TRPC4AP: variants seen among roughly 807,000 people sequenced by gnomAD.
TRPC4AP encodes short transient receptor potential channel 4-associated protein.
TRPC4AP carries 45 observed loss-of-function variants against 99.0 expected under a neutral mutation model. The observed-to-expected ratio is 0.45, with a 90% CI of 0.36 to 0.58. TRPC4AP has a LOEUF of 0.58. Among genes scored for constraint, TRPC4AP ranks in the 20% least tolerant of loss-of-function variants. The pLI is 0.00. For missense variants in TRPC4AP, 879 were observed against 985.3 expected (o/e 0.89, Z 1.44); for synonymous variants, 408 against 385.8 (o/e 1.06, Z -0.67).
rs2082424481 is a variant in TRPC4AP, at chr20:35,002,937, CATT to C, written c.*206_*208del. ...AAAGGTGGGCATGGTACCCTGTCCT[CATT>C]ATGGGGACTGAGGCTCTCCATGACC... On this transcript the variant is annotated 3_prime_UTR_variant, in exon 19 of 19. Transcript: ENST00000252015. 1.6e-6 allele frequency: 1 copy of C among 616,032 alleles called. No homozygotes were observed. Among genetic ancestry groups the C allele is most frequent in the African/African-American group, 1.9e-5 (1 of 53,952 alleles). The allele number at this position is 616,032 out of a possible 1,614,324, so 38.2% of individuals were successfully genotyped here. A position where few individuals can be genotyped will look rare whatever the true frequency, so the allele number is the denominator to read the frequency against.
intron 9 of TRPC4AP, among the ~76,000 whole-genome samples, chr20:35,020,443 G>C (rs937027661): frequency 3.3e-5 from 5 of 152,002 alleles, no homozygotes. Flanking sequence ...CTCCTCCCCA[G>C]GGCACTGCCC....
At chr20:35,018,012 T>C (rs992039767) in intron 9 of TRPC4AP, among the ~76,000 whole-genome samples, 6 of 152,154 alleles carry the variant, frequency 3.9e-5, no homozygotes, top group Non-Finnish European at 8.8e-5. Context: ...CTGACATCTA[T>C]GGTGTTCACC....
chr20:35,057,702 TA>T (rs778109006), intron 3 of TRPC4AP, 131 bp from the exon 4 acceptor site: 401 of 650,374 alleles, frequency 6.2e-4, no homozygotes, highest in Non-Finnish European at 9.1e-4. Flanking sequence ...AGGAGGCAGT[TA>T]AGGTTCAGTA....
chr20:35,021,136 A>C, intron 9 of TRPC4AP, 54 bp downstream of exon 9: 1 of 1,578,158 alleles, frequency 6.3e-7, no homozygotes, highest in Non-Finnish European at 8.6e-7. Flanking sequence ...GCATACCATG[A>C]GCACCCGGGC....
Position 35,003,295 on chromosome 20 carries a change from G to C in TRPC4AP, c.2257-12C>G. On this transcript the variant is annotated splice_polypyrimidine_tract_variant and intron_variant, in intron 18 of 18. Transcript: ENST00000252015. ...CTGATGCAGGAGCTCTGGGCAAAGAGGGAGGGGCTGGGGGGCGCCTGGAGG... is the reference window on the plus strand; with the variant it reads ...CTGATGCAGGAGCTCTGGGCAAAGACGGAGGGGCTGGGGGGCGCCTGGAGG... 1.2e-6 allele frequency: 2 copies of C among 1,612,558 alleles called. No individual in the cohort carries two copies. Among genetic ancestry groups the C allele is most frequent in the Non-Finnish European group, 1.7e-6 (2 of 1,179,306 alleles).
At chr20:35,008,821 G>C (rs76513573) in intron 12 of TRPC4AP, 74 bp from the exon 13 acceptor site, 205 of 1,378,038 alleles carry the variant, frequency 1.5e-4, no homozygotes, top group Non-Finnish European at 2.0e-4. Flanking sequence ...CATTCTGCTG[G>C]CTTAGGCGGT....
chr20:35,041,952 G>T (rs1270465858), intron 7 of TRPC4AP, among the ~76,000 whole-genome samples: 1 of 152,160 alleles, frequency 6.6e-6, no homozygotes, highest in Admixed American at 6.5e-5. Context: ...ACTACCTTTT[G>T]TCAATGTATA....
chr20:35,034,319 C>T (rs2083268118), intron 8 of TRPC4AP, among the ~76,000 whole-genome samples: 1 of 152,046 alleles, frequency 6.6e-6, no homozygotes, highest in African/African-American at 2.4e-5. Context: ...AGCCTCTAGT[C>T]TTCCGGGCTT....
intron 7 of TRPC4AP, among the ~76,000 whole-genome samples, chr20:35,041,224 C>T (rs959813022): frequency 8.2e-6 from 1 of 121,706 alleles, no homozygotes; most frequent in Admixed American, 8.0e-5. Flanking sequence ...GAGATAAAGG[C>T]ATTCACTACT....
intron 1 of TRPC4AP, among the ~76,000 whole-genome samples, chr20:35,079,863 A>AT (rs925450754): frequency 1.3e-5 from 2 of 151,180 alleles, no homozygotes; most frequent in Non-Finnish European, 3.0e-5. Flanking sequence ...CTAAAAATAA[A>AT]AAAAAAAAAT....
At chr20:35,004,859 C>T (rs923718058) in intron 16 of TRPC4AP, among the ~76,000 whole-genome samples, 4 of 152,194 alleles carry the variant, frequency 2.6e-5, no homozygotes, top group African/African-American at 9.6e-5. Context: ...CCGTGCCCTC[C>T]ATATCACACA....
chr20:35,057,445 AGCTGCTG>A (rs1368625301), intron 4 of TRPC4AP, 62 bp downstream of exon 4: 1 of 1,261,168 alleles, frequency 7.9e-7, no homozygotes, highest in Admixed American at 1.9e-5. Context: ...GGAAGAAGGC[AGCTGCTG>A]GGAACTGCCA....
intron 7 of TRPC4AP, 79 bp downstream of exon 7, chr20:35,044,411 AAAAAGAAAAGAAAAG>A: frequency 7.7e-7 from 1 of 1,303,000 alleles, no homozygotes; most frequent in Non-Finnish European, 1.1e-6. Context: ...AAAAAAAAAA[AAAAAGAAAAGAAAAG>A]AAAAAGAAAA....
intron 4 of TRPC4AP, 44 bp downstream of exon 4, chr20:35,057,470 G>A (rs41290906): frequency 0.044 from 67,284 of 1,523,624 alleles, 1,848 homozygotes; most frequent in Non-Finnish European, 0.053. Context: ...CCACCGTATC[G>A]GCAGGTTGGA....
At chr20:35,030,784 GTTTT>G (rs1184199723) in intron 8 of TRPC4AP, among the ~76,000 whole-genome samples, 22 of 152,164 alleles carry the variant, frequency 1.4e-4, no homozygotes, top group Admixed American at 1.4e-3. Flanking sequence ...GTTTGTGTAA[GTTTT>G]TTAACTGAAG....
At chr20:35,060,809 A>G (rs1030706395) in intron 3 of TRPC4AP, among the ~76,000 whole-genome samples, 3 of 152,126 alleles carry the variant, frequency 2.0e-5, no homozygotes, top group African/African-American at 7.2e-5. Context: ...TCATGATAAA[A>G]CAATCAACAA....
At chr20:35,072,737 T>C (rs1256916909) in intron 2 of TRPC4AP, among the ~76,000 whole-genome samples, 2 of 152,220 alleles carry the variant, frequency 1.3e-5, no homozygotes, top group African/African-American at 4.8e-5. Context: ...CTTTGGTTCT[T>C]TTGGCTTAGG....
rs73616615 is a variant in TRPC4AP, at chr20:35,031,145, A to C, written c.1051+3978T>G. 1.7e-3 allele frequency among the ~76,000 whole-genome samples: 258 copies of C among 152,238 alleles called. 1 individual carries two copies. The East Asian group carries it at 0.036, about 22-fold the overall frequency. On this transcript the variant is annotated intron_variant, in intron 8 of 18. Coordinates refer to ENST00000252015, the MANE Select transcript of TRPC4AP (RefSeq NM_015638.3). ...CTTCTGCCTTCCATTATTCCTGATG[A>C]GCAGTCAGCCACTAATCTTATTGGA...
chr20:35,061,023 C>T (rs757503669), intron 3 of TRPC4AP, among the ~76,000 whole-genome samples: 22 of 152,004 alleles, frequency 1.4e-4, no homozygotes, highest in Non-Finnish European at 2.6e-4. Flanking sequence ...ATTAAAGGCA[C>T]CCAAATTGGA....
Sources: allele counts gnomAD v4.1 joint callset (sites outside exome capture counted in the v4.1 genomes callset), GRCh38; gene constraint gnomAD v4.1.1; transcripts MANE v1.5; gene names NCBI Gene and HGNC (gene_info 2026-07-23, HGNC 2026-07-21).